IQSEC3: variants seen among roughly 807,000 people sequenced by gnomAD.
IQSEC3 encodes the protein IQ motif and SEC7 domain-containing protein 3.
IQSEC3 carries 50 observed loss-of-function variants against 105.4 expected under a neutral mutation model. The ratio of observed to expected loss-of-function variants is 0.47; its 90% confidence interval spans 0.38 to 0.60. The LOEUF (loss-of-function observed/expected upper bound fraction) is 0.60, where lower values mean the gene tolerates loss of function less well. IQSEC3 is among the 20% of genes least tolerant of loss of function. The pLI is 0.00. For synonymous variants in IQSEC3, 708 were observed against 746.0 expected, an observed-to-expected ratio of 0.95 and a Z score of 0.83; for missense variants, 1,415 against 1,630.0, an observed-to-expected ratio of 0.87 and a Z score of 2.27.
chr12:144,979 G>A (rs1866201467), intron 5 of IQSEC3, among the ~76,000 whole-genome samples: 1 of 152,230 alleles, frequency 6.6e-6, no homozygotes, highest in African/African-American at 2.4e-5. Flanking sequence ...CCACTGGCAT[G>A]TGCCACCACA....
At chr12:156,323 G>T (rs1866683562) in intron 5 of IQSEC3, among the ~76,000 whole-genome samples, 1 of 152,202 alleles carries the variant, frequency 6.6e-6, no homozygotes, top group Non-Finnish European at 1.5e-5. Context: ...GGGCAAGCCA[G>T]AGTCACACCA....
chr12:164,016 C>T (rs920883989), intron 9 of IQSEC3, among the ~76,000 whole-genome samples: 3 of 152,150 alleles, frequency 2.0e-5, no homozygotes, highest in Non-Finnish European at 4.4e-5. Context: ...TGGGCCTAGG[C>T]GAGGCTGGTG....
intron 11 of IQSEC3, 133 bp downstream of exon 11, chr12:166,023 G>A (rs782037980): frequency 6.5e-5 from 61 of 939,848 alleles, no homozygotes; most frequent in Middle Eastern, 3.4e-4. Context: ...AGGCCCCACC[G>A]CACCACACTC....
chr12:78,179 G>C (rs1411509836), intron 1 of IQSEC3, among the ~76,000 whole-genome samples: 1 of 151,154 alleles, frequency 6.6e-6, no homozygotes, highest in African/African-American at 2.4e-5. Context: ...GGGCCTCCCG[G>C]CGCAGGGCGC....
Position 171,100 on chromosome 12 carries a change from T to C in IQSEC3, c.3065-12T>C. ...CGGTGGAGAATGAGCCCTGTGCTCTTTGCATTCAAAGCCAAAAGGGAAGCC... is the reference window on the plus strand; with the variant it reads ...CGGTGGAGAATGAGCCCTGTGCTCTCTGCATTCAAAGCCAAAAGGGAAGCC... On this transcript the variant is annotated splice_polypyrimidine_tract_variant and intron_variant, in intron 12 of 13. Transcript: ENST00000538872. 1 of 1,613,606 alleles carries C rather than the reference T, an allele frequency of 6.2e-7. No homozygotes were observed. The highest frequency in any genetic ancestry group is 8.5e-7 in the Non-Finnish European group (1 of 1,179,896).
At chr12:129,497 C>T (rs1555084399) in intron 3 of IQSEC3, among the ~76,000 whole-genome samples, 1 of 152,150 alleles carries the variant, frequency 6.6e-6, no homozygotes. Flanking sequence ...CTCTTCTCCC[C>T]TTCTCCCTCT....
Position 122,448 on chromosome 12 carries a change from G to A in IQSEC3, c.624-3185G>A, listed in dbSNP as rs1174172978. The stretch of plus-strand genomic sequence containing the variant: ...TATGTGAGAGAGAGATTGTGTGTGA[G>A]GGGTGGCCCATGAACAAAGGCCCAC... On this transcript the variant is annotated intron_variant, in intron 2 of 13. Transcript: ENST00000538872. 2.0e-5 allele frequency among the ~76,000 whole-genome samples: 3 copies of A among 152,366 alleles called. 1 individual carries two copies. Among genetic ancestry groups the A allele is most frequent in the East Asian group, 3.9e-4 (2 of 5,186 alleles).
Position 158,434 on chromosome 12 carries a change from G to A in IQSEC3, c.2443+740G>A, listed in dbSNP as rs144208106. 2.0e-4 allele frequency among the ~76,000 whole-genome samples: 31 copies of A among 152,230 alleles called. No homozygotes were observed. In the East Asian group the frequency reaches 5.8e-3, roughly 28 times the overall value. ...GTCCAGACTGTGAGTGTGTAAGCCT[G>A]AAGTTTGATGAATGTGTACGGTCAC... On this transcript the variant is annotated intron_variant, in intron 7 of 13. Coordinates refer to ENST00000538872, the MANE Select transcript of IQSEC3 (RefSeq NM_001170738.2).
chr12:113,957 A>G (rs1354658725), intron 2 of IQSEC3, among the ~76,000 whole-genome samples: 1 of 152,232 alleles, frequency 6.6e-6, no homozygotes. Flanking sequence ...TAAACCAGAT[A>G]ATTCAAATCT....
chr12:114,466 A>G (rs1864989985), intron 2 of IQSEC3, among the ~76,000 whole-genome samples: 2 of 152,210 alleles, frequency 1.3e-5, no homozygotes, highest in Non-Finnish European at 2.9e-5. Flanking sequence ...AGCTCCTGAC[A>G]TGGAGTGGTG....
At chr12:74,001 G>A (rs1863425251) in intron 1 of IQSEC3, among the ~76,000 whole-genome samples, 1 of 152,244 alleles carries the variant, frequency 6.6e-6, no homozygotes, top group South Asian at 2.1e-4. Context: ...CTTCTCTTAA[G>A]GATATCAAAG....
At chr12:74,986 T>G (rs1555068625) in intron 1 of IQSEC3, among the ~76,000 whole-genome samples, 3 of 152,242 alleles carry the variant, frequency 2.0e-5, no homozygotes, top group African/African-American at 7.2e-5. Flanking sequence ...AAGGCCAAAC[T>G]TACAGCTAGT....
chr12:86,103 A>G (rs1863908730), intron 1 of IQSEC3, among the ~76,000 whole-genome samples: 1 of 152,224 alleles, frequency 6.6e-6, no homozygotes, highest in Non-Finnish European at 1.5e-5. Flanking sequence ...TATAAACATC[A>G]GTGATACAGA....
chr12:166,629 C>G (rs1938664440), intron 11 of IQSEC3, among the ~76,000 whole-genome samples: 1 of 152,184 alleles, frequency 6.6e-6, no homozygotes, highest in Non-Finnish European at 1.5e-5. Context: ...TAAATAAGAA[C>G]AGATTCAGAA....
intron 1 of IQSEC3, among the ~76,000 whole-genome samples, chr12:85,679 G>A (rs1863895146): frequency 6.6e-6 from 1 of 152,196 alleles, no homozygotes; most frequent in African/African-American, 2.4e-5. Flanking sequence ...TCAAGTTACA[G>A]CCTGGGTTTC....
chr12:123,506 G>C (rs2136964003), intron 2 of IQSEC3, among the ~76,000 whole-genome samples: 1 of 152,336 alleles, frequency 6.6e-6, no homozygotes, highest in East Asian at 1.9e-4. Flanking sequence ...TTGATTGGTG[G>C]CCACAGAAGA....
chr12:80,891 A>G (rs950752752), intron 1 of IQSEC3, among the ~76,000 whole-genome samples: 8 of 152,172 alleles, frequency 5.3e-5, no homozygotes, highest in Non-Finnish European at 1.0e-4. Flanking sequence ...GGCAGGACAA[A>G]CAGCTAGCAT....
intron 1 of IQSEC3, among the ~76,000 whole-genome samples, chr12:73,647 G>A (rs1331627809): frequency 6.6e-6 from 1 of 152,140 alleles, no homozygotes; most frequent in Non-Finnish European, 1.5e-5. Context: ...TCCAGTCTGG[G>A]CCACAGAGCG....
intron 2 of IQSEC3, among the ~76,000 whole-genome samples, chr12:114,448 T>A (rs1370451160): frequency 1.3e-5 from 2 of 152,182 alleles, no homozygotes; most frequent in Non-Finnish European, 2.9e-5. Context: ...ATGTTTCTGT[T>A]CAGGCCCAGC....
Sources: gnomAD v4.1 joint callset for allele counts (sites outside exome capture counted in the v4.1 genomes callset) on GRCh38, gnomAD v4.1.1 for gene constraint, MANE v1.5 for transcripts, NCBI Gene and HGNC (gene_info 2026-07-23, HGNC 2026-07-21) for gene names.